Variants in DLC1 observed in about 807,000 individuals in gnomAD.
The protein encoded by DLC1 is rho GTPase-activating protein 7.
In DLC1, 54 loss-of-function variants were observed where a neutral mutation model predicts 140.3. The observed-to-expected ratio is 0.38, with a 90% CI of 0.31 to 0.48. The LOEUF is 0.48. Among genes scored for constraint, DLC1 ranks in the 20% least tolerant of loss-of-function variants. The probability of loss-of-function intolerance (pLI) is 0.96; values close to 1 mark genes in which losing one functional copy is unlikely to be tolerated. For missense variants in DLC1, 2,536 were observed against 1,907.0 expected (o/e 1.33, Z -6.14); for synonymous variants, 986 against 728.1 (o/e 1.35, Z -5.70).
chr8:13,419,343 C>T lies in DLC1; in HGVS notation c.1024-17724G>A, dbSNP rs866934868. On this transcript the variant is annotated intron_variant, in intron 2 of 17. Transcript: ENST00000276297. ...TTTTGCCCATTCAGTATGATATTGGCTGTGGGTTTGTCATAGATAGCTCTT... is the reference window on the plus strand; with the variant it reads ...TTTTGCCCATTCAGTATGATATTGGTTGTGGGTTTGTCATAGATAGCTCTT... Among the ~76,000 whole-genome samples the T allele has an allele frequency of 2.8e-3, 427 of 152,140 alleles. 2 individuals are homozygous for T. The highest frequency in any genetic ancestry group is 3.6e-3 in the Non-Finnish European group (246 of 67,988).
At chr8:13,492,705 A>G (rs552412831) in intron 2 of DLC1, among the ~76,000 whole-genome samples, 1 of 152,282 alleles carries the variant, frequency 6.6e-6, no homozygotes, top group South Asian at 2.1e-4. Flanking sequence ...CACCTGGGAT[A>G]TTGAAAATGC....
chr8:13,551,809 C>T (rs964552081), intron 1 of DLC1, among the ~76,000 whole-genome samples: 1 of 146,562 alleles, frequency 6.8e-6, no homozygotes, highest in Admixed American at 6.9e-5. Flanking sequence ...AGGTATATAT[C>T]TAGACAGGTA....
At chr8:13,562,424 TAAAAAG>T (rs1804274741) in intron 1 of DLC1, among the ~76,000 whole-genome samples, 1 of 152,080 alleles carries the variant, frequency 6.6e-6, no homozygotes, top group Non-Finnish European at 1.5e-5. Context: ...ATGGTACACA[TAAAAAG>T]AAAAAGAAAT....
At chr8:13,546,864 A>T (rs774517603) in intron 1 of DLC1, among the ~76,000 whole-genome samples, 1 of 152,148 alleles carries the variant, frequency 6.6e-6, no homozygotes, top group Non-Finnish European at 1.5e-5. Flanking sequence ...AATGCTGTAT[A>T]TTGTTAAAAC....
At chr8:13,440,156 A>G (rs569099090) in intron 2 of DLC1, among the ~76,000 whole-genome samples, 1 of 152,332 alleles carries the variant, frequency 6.6e-6, no homozygotes, top group Admixed American at 6.5e-5. Flanking sequence ...AAGGAGATAG[A>G]GTACGCATAG....
chr8:13,366,395 T>C (rs1436792898), intron 4 of DLC1, among the ~76,000 whole-genome samples: 2 of 152,180 alleles, frequency 1.3e-5, no homozygotes, highest in Non-Finnish European at 2.9e-5. Flanking sequence ...CCCATGAAAC[T>C]TGCAGTCTAT....
chr8:13,438,412 T>G (rs1281117682), intron 2 of DLC1, among the ~76,000 whole-genome samples: 1 of 152,206 alleles, frequency 6.6e-6, no homozygotes, highest in Admixed American at 6.5e-5. Flanking sequence ...CTTTTTTGTT[T>G]CTCTGCAATC....
intron 1 of DLC1, among the ~76,000 whole-genome samples, chr8:13,569,323 C>T (rs4145815): frequency 0.15 from 22,250 of 151,714 alleles, 1,880 homozygotes; most frequent in East Asian, 0.25. Flanking sequence ...TTCAGTATTA[C>T]TCTTTGCGTT....
chr8:13,368,858 C>G (rs1191701364), intron 4 of DLC1, among the ~76,000 whole-genome samples: 1 of 152,166 alleles, frequency 6.6e-6, no homozygotes, highest in Non-Finnish European at 1.5e-5. Flanking sequence ...GAGTCTCACT[C>G]TGTTGCCCAG....
intron 2 of DLC1, among the ~76,000 whole-genome samples, chr8:13,461,971 C>A (rs1252569983): frequency 6.6e-6 from 1 of 152,196 alleles, no homozygotes; most frequent in Non-Finnish European, 1.5e-5. Flanking sequence ...CTCCTCTCAC[C>A]TCAGCAGTAG....
intron 5 of DLC1, among the ~76,000 whole-genome samples, chr8:13,151,747 A>C (rs1235816439): frequency 6.6e-6 from 1 of 152,206 alleles, no homozygotes; most frequent in Non-Finnish European, 1.5e-5. Context: ...AACAAAATGA[A>C]AATGATGTGA....
chr8:13,305,571 T>C (rs1432173425), intron 4 of DLC1, among the ~76,000 whole-genome samples: 5 of 152,160 alleles, frequency 3.3e-5, no homozygotes, highest in African/African-American at 1.2e-4. Flanking sequence ...GGTGTGGTGG[T>C]TCACACCTGT....
rs73665904 is a variant in DLC1, at chr8:13,248,954, G to A, written c.1348+56315C>T. The stretch of plus-strand genomic sequence containing the variant: ...TACCAATTGGAACTCCCAAACCTCA[G>A]AGGGGCTATTTTACTCATTTACTCC... On this transcript the variant is annotated intron_variant, in intron 5 of 17. Transcript: ENST00000276297. Among the ~76,000 whole-genome samples, 721 of 152,168 alleles carry A rather than the reference G, an allele frequency of 4.7e-3. 10 individuals carry two copies. Among genetic ancestry groups the A allele is most frequent in the African/African-American group, 0.015 (640 of 41,520 alleles).
intron 2 of DLC1, among the ~76,000 whole-genome samples, chr8:13,441,160 C>G (rs543340223): frequency 7.2e-5 from 11 of 152,056 alleles, no homozygotes; most frequent in Non-Finnish European, 1.6e-4. Context: ...ATTCAACAAC[C>G]CTTCATGCTA....
At chr8:13,497,734 G>T (rs563626090) in intron 2 of DLC1, among the ~76,000 whole-genome samples, 167 of 152,248 alleles carry the variant, frequency 1.1e-3, no homozygotes, top group African/African-American at 3.9e-3. Context: ...AAACAGATTT[G>T]ATAGGATATA....
At chr8:13,552,125 A>ATATATATATATG (rs1358856800) in intron 1 of DLC1, among the ~76,000 whole-genome samples, 1 of 129,018 alleles carries the variant, frequency 7.8e-6, no homozygotes, top group Admixed American at 8.1e-5. Flanking sequence ...ATATATATAT[A>ATATATATATATG]TATATATATA....
At chr8:13,151,283 A>T (rs1823789148) in intron 5 of DLC1, among the ~76,000 whole-genome samples, 1 of 152,332 alleles carries the variant, frequency 6.6e-6, no homozygotes, top group Admixed American at 6.5e-5. Context: ...AATTTTCAGC[A>T]TAATGATAAT....
chr8:13,575,234 A>G (rs1804797502), intron 1 of DLC1, among the ~76,000 whole-genome samples: 1 of 152,266 alleles, frequency 6.6e-6, no homozygotes, highest in Middle Eastern at 3.4e-3. Context: ...ATTTAGGAGA[A>G]AATTTGTTGT....
chr8:13,295,759 T>C (rs1831918677), intron 5 of DLC1, among the ~76,000 whole-genome samples: 1 of 152,072 alleles, frequency 6.6e-6, no homozygotes, highest in Admixed American at 6.6e-5. Flanking sequence ...GCTTGTTACA[T>C]GTAACTTTCC....
Sources: allele counts gnomAD v4.1 joint callset (sites outside exome capture counted in the v4.1 genomes callset), GRCh38; gene constraint gnomAD v4.1.1; transcripts MANE v1.5; gene names NCBI Gene and HGNC (gene_info 2026-07-23, HGNC 2026-07-21).